STC2: variants seen among roughly 807,000 people sequenced by gnomAD.
STC2 encodes stanniocalcin 2, also known as stanniocalcin-2.
A neutral mutation model predicts 22.7 loss-of-function variants in STC2; 7 were observed. The ratio of observed to expected loss-of-function variants is 0.31; its 90% CI spans 0.18 to 0.58. The LOEUF is 0.58. Ranked by LOEUF, STC2 falls within the 20% of genes least tolerant of loss-of-function variation. The pLI, the probability that STC2 is intolerant of heterozygous loss-of-function variation, is 0.89. For missense variants in STC2, 336 were observed against 406.2 expected, an observed-to-expected ratio of 0.83 and a Z score of 1.48; for synonymous variants, 158 against 163.4, an observed-to-expected ratio of 0.97 and a Z score of 0.25.
Position 173,318,225 on chromosome 5 carries a change from C to A in STC2, c.531G>T (p.Leu177Phe). The change falls in exon 4 of 4, where the codon TTG becomes TTT. Residue 177 changes from leucine (L) to phenylalanine (F), a missense_variant. Physicochemically the swap from Leu to Phe is conservative, Grantham distance 22. Coordinates refer to ENST00000265087, the MANE Select transcript of STC2 (RefSeq NM_003714.3). ...TCACCTCCTCCCCACAGGTCAGCAG[C>A]AAGTTCACGAGGTCCACGTAGGGTC... ...LHEPYVDLVN[L>F]LLTCGEEVKE... The A allele has an allele frequency of 1.3e-6, 2 of 1,492,644 alleles. No homozygotes were observed. Among genetic ancestry groups the A allele is most frequent in the Non-Finnish European group, 8.9e-7 (1 of 1,118,498 alleles). 92.5% of individuals were successfully genotyped at this position (1,492,644 alleles called of 1,614,324 possible).
Position 173,317,861 on chromosome 5 carries a change from C to T in STC2, c.895G>A (p.Asp299Asn). The part of the protein sequence containing the change: ...EWEDEQSEYS[D>N]IRR ...GGCCTTTCATTTCACCTCCGGATATCAGAATACTCAGACTGTTCGTCTTCC... is the reference window on the plus strand; with the variant it reads ...GGCCTTTCATTTCACCTCCGGATATTAGAATACTCAGACTGTTCGTCTTCC... Residue 299 changes from aspartate (D) to asparagine (N), a missense_variant, in exon 4 of 4, where the codon GAT (aspartate) becomes AAT (asparagine). By Grantham distance (23) the Asp-to-Asn change is conservative. Coordinates refer to ENST00000265087, the MANE Select transcript of STC2 (RefSeq NM_003714.3). 6.4e-7 allele frequency: 1 copy of T among 1,567,512 alleles called. No homozygotes were observed.
chr5:173,324,355 T>C (rs1012619763), intron 2 of STC2: 4 of 152,294 alleles, frequency 2.6e-5, no homozygotes, highest in African/African-American at 9.6e-5. Flanking sequence ...CACATTACTA[T>C]AGAAACTAGC....
intron 1 of STC2, 98 bp downstream of exon 1, chr5:173,327,945 G>A: frequency 7.3e-7 from 1 of 1,371,348 alleles, no homozygotes; most frequent in Non-Finnish European, 9.5e-7. Flanking sequence ...GTGGCCCTGG[G>A]TGGGCGCCTG....
rs1762538951 is a variant in STC2 at position 173,325,807 on chromosome 5, T to A, written c.294+61A>T. On this transcript the variant is annotated intron_variant, in intron 2 of 3. Transcript: ENST00000265087. The surrounding 1 kb of genome is among the most constrained non-coding windows in gnomAD (Gnocchi z 4.7). Reference sequence around the variant, plus strand: ...GAAGTTGGTTAACAAGGCTTTCCAATGAACGTTTCAATCATGTATGCTCAC... The same window carrying A: ...GAAGTTGGTTAACAAGGCTTTCCAAAGAACGTTTCAATCATGTATGCTCAC... 6.2e-7 allele frequency: 1 copy of A among 1,606,022 alleles called. No individual in the cohort carries two copies. Among genetic ancestry groups the A allele is most frequent in the Admixed American group, 1.7e-5 (1 of 59,780 alleles).
chr5:173,318,301 G>GA, intron 3 of STC2, 52 bp from the exon 4 acceptor site: 1 of 1,019,498 alleles, frequency 9.8e-7, no homozygotes. Flanking sequence ...AGAGAGAGAG[G>GA]CTGGGAATGG....
chr5:173,321,650 T>G lies in STC2; in HGVS notation c.506+1569A>C, dbSNP rs1330766602. Among the ~76,000 whole-genome samples, 3 of 152,216 alleles carry G rather than the reference T, an allele frequency of 2.0e-5. No homozygotes were observed. In the East Asian group the frequency reaches 5.8e-4, roughly 29 times the overall value. ...TCATGTATACCAGCAATTCCGAAGC[T>G]TAAAAGCAGGAATCAAACCTCAGTC... On this transcript the variant is annotated intron_variant, in intron 3 of 3. Transcript: ENST00000265087.
chr5:173,322,933 G>A, intron 3 of STC2: 1 of 446,670 alleles, frequency 2.2e-6, no homozygotes, highest in South Asian at 2.4e-5. Context: ...TTGGCTAAGG[G>A]GAAGATGAAG....
At chr5:173,321,021 C>A (rs1279550719) in intron 3 of STC2, among the ~76,000 whole-genome samples, 3 of 151,932 alleles carry the variant, frequency 2.0e-5, no homozygotes, top group African/African-American at 7.3e-5. Flanking sequence ...AGGGGAGACC[C>A]CTGCCTAGAG....
rs1480807888 is a variant in STC2, at chr5:173,317,542, A to G, written c.*305T>C. 4.9e-6 allele frequency: 1 copy of G among 205,936 alleles called. No individual in the cohort carries two copies. The highest frequency in any genetic ancestry group is 9.7e-6 in the Non-Finnish European group (1 of 103,004). The allele number at this position is 205,936 out of a possible 1,614,324, so 12.8% of individuals were successfully genotyped here. Reference sequence around the variant, plus strand: ...TGCCCCTCCCTGGTTCACCTCCCCCACAACAGAGCGGCCGACACCCACTGA... The same window carrying G: ...TGCCCCTCCCTGGTTCACCTCCCCCGCAACAGAGCGGCCGACACCCACTGA... On this transcript the variant is annotated 3_prime_UTR_variant, in exon 4 of 4. Transcript: ENST00000265087.
At chr5:173,324,481 T>G (rs952146024) in intron 2 of STC2, among the ~76,000 whole-genome samples, 1 of 152,316 alleles carries the variant, frequency 6.6e-6, no homozygotes, top group South Asian at 2.1e-4. Context: ...ATTTTGGTTT[T>G]GTCTTTAGCA....
At chr5:173,320,634 G>A (rs964250898) in intron 3 of STC2, among the ~76,000 whole-genome samples, 5 of 151,932 alleles carry the variant, frequency 3.3e-5, no homozygotes, top group African/African-American at 1.2e-4. Flanking sequence ...CAGAAAGTGG[G>A]GCGGGCAGGA....
In STC2 at chr5:173,323,601, G is replaced by A. The variant is rs527888553; in HGVS notation, c.295-171C>T. Among the ~76,000 whole-genome samples, 20 of 152,244 alleles carry A rather than the reference G, an allele frequency of 1.3e-4. No individual in the cohort carries two copies. The highest frequency in any genetic ancestry group is 1.0e-3 in the Admixed American group (16 of 15,292). On this transcript the variant is annotated intron_variant, in intron 2 of 3. Transcript: ENST00000265087. The surrounding 1 kb of genome is among the most constrained non-coding windows in gnomAD (Gnocchi z 5.4). ...CCAGGTGACAGGCAATGCGACATCC[G>A]GAGGCACGTCCAGAGTGACATGACA...
chr5:173,321,081 A>C (rs1406623053), intron 3 of STC2, among the ~76,000 whole-genome samples: 2 of 152,046 alleles, frequency 1.3e-5, no homozygotes, highest in African/African-American at 4.8e-5. Flanking sequence ...CAGGCTTCTT[A>C]TATGGGCTGC....
At position 173,328,353 on chromosome 5, in the gene STC2, C is replaced by A; in HGVS notation, c.-160G>T. On this transcript the variant is annotated 5_prime_UTR_variant, in exon 1 of 4. Coordinates refer to ENST00000265087, the MANE Select transcript of STC2 (RefSeq NM_003714.3). ...GCGGCCGCGGCTCGGATAGAGGTTA[C>A]CCAGCGCCCTCCCGTAGCTCTCCGG... 1 of 704,098 alleles carries A rather than the reference C, an allele frequency of 1.4e-6. No individual in the cohort carries two copies. The highest frequency in any genetic ancestry group is 3.8e-5 in the South Asian group (1 of 26,306). The allele number at this position is 704,098 out of a possible 1,614,324, so 43.6% of individuals were successfully genotyped here. A position where few individuals can be genotyped will look rare whatever the true frequency, so the allele number is the denominator to read the frequency against.
chr5:173,318,065 T>C lies in STC2; in HGVS notation c.691A>G (p.Arg231Gly), dbSNP rs928692071. 4 of 1,609,274 alleles carry C rather than the reference T, an allele frequency of 2.5e-6. No individual in the cohort carries two copies. Among genetic ancestry groups the C allele is most frequent in the Non-Finnish European group, 3.4e-6 (4 of 1,177,860 alleles). The change falls in exon 4 of 4, where the codon AGA becomes GGA. Residue 231 changes from arginine (R) to glycine (G), a missense_variant. Arg to Gly is a moderately radical substitution (Grantham distance 125). Transcript: ENST00000265087. ...APPERQPQVD[R>G]TKLSRAHHGE... Reference sequence around the variant, plus strand: ...TGGTGGGCCCTGGAGAGCTTGGTTCTGTCCACCTGGGGCTGGCGCTCGGGG... The same window carrying C: ...TGGTGGGCCCTGGAGAGCTTGGTTCCGTCCACCTGGGGCTGGCGCTCGGGG...
At chr5:173,327,879 A>G (rs1340535183) in intron 1 of STC2, among the ~76,000 whole-genome samples, 164 bp downstream of exon 1, 1 of 152,092 alleles carries the variant, frequency 6.6e-6, no homozygotes, top group Non-Finnish European at 1.5e-5. Context: ...CCCGGCGCGG[A>G]CCTCGCCTTG....
At chr5:173,322,856 T>C in intron 3 of STC2, 1 of 267,468 alleles carries the variant, frequency 3.7e-6, no homozygotes, top group Non-Finnish European at 7.3e-6. Context: ...ACAAATGTTA[T>C]TAGCAATTTG....
At chr5:173,320,945 G>A (rs1016619868) in intron 3 of STC2, among the ~76,000 whole-genome samples, 1 of 151,956 alleles carries the variant, frequency 6.6e-6, no homozygotes, top group Non-Finnish European at 1.5e-5. Context: ...AGAAGTACAA[G>A]TCGATGCACC....
In STC2 at chr5:173,317,643, T is replaced by C. The variant is rs2113128188; in HGVS notation, c.*204A>G. 1 of 529,002 alleles carries C rather than the reference T, an allele frequency of 1.9e-6. No individual in the cohort carries two copies. Among genetic ancestry groups the C allele is most frequent in the East Asian group, 3.2e-5 (1 of 31,626 alleles). The allele number at this position is 529,002 out of a possible 1,614,324, so 32.8% of individuals were successfully genotyped here. On this transcript the variant is annotated 3_prime_UTR_variant, in exon 4 of 4. Transcript: ENST00000265087. Reference sequence around the variant, plus strand: ...CCTTGAGTACGTGTAAGTGCAGAATTCACCAGGCACCCCTGAGACCCCACG... The same window carrying C: ...CCTTGAGTACGTGTAAGTGCAGAATCCACCAGGCACCCCTGAGACCCCACG...
Sources: gnomAD v4.1 joint callset for allele counts (sites outside exome capture counted in the v4.1 genomes callset) on GRCh38, gnomAD v4.1.1 for gene constraint, Gnocchi (gnomAD v3.1) non-coding constraint, MANE v1.5 for transcripts, NCBI Gene and HGNC (gene_info 2026-07-23, HGNC 2026-07-21) for gene names.